Variants in SORBS2 observed in about 807,000 individuals in gnomAD.
The protein encoded by SORBS2 is sorbin and SH3 domain containing 2, also known as sorbin and SH3 domain-containing protein 2.
SORBS2 carries 46 observed loss-of-function variants against 97.7 expected under a neutral mutation model. That is an observed-to-expected ratio of 0.47 (90% CI 0.37 to 0.60). SORBS2 has a LOEUF of 0.60. SORBS2 is among the 20% of genes least tolerant of loss of function. The probability of loss-of-function intolerance (pLI) is 0.00; values close to 1 mark genes in which losing one functional copy is unlikely to be tolerated. For synonymous variants in SORBS2, 476 were observed against 473.4 expected (o/e 1.01, Z -0.07); for missense variants, 1,316 against 1,282.3 (o/e 1.03, Z -0.40).
intron 1 of SORBS2, among the ~76,000 whole-genome samples, chr4:185,797,901 T>C (rs114285596): frequency 0.018 from 2,770 of 152,326 alleles, 40 homozygotes; most frequent in South Asian, 0.065. Context: ...GCCTTCACCA[T>C]GCACACACTG....
chr4:185,727,994 C>T (rs2098573689), intron 2 of SORBS2, among the ~76,000 whole-genome samples: 1 of 152,118 alleles, frequency 6.6e-6, no homozygotes, highest in South Asian at 2.1e-4. Context: ...TATACATGGT[C>T]AATTTCTTAT....
intron 1 of SORBS2, among the ~76,000 whole-genome samples, chr4:185,897,541 T>C (rs1046920228): frequency 2.6e-5 from 4 of 152,222 alleles, no homozygotes; most frequent in Non-Finnish European, 4.4e-5. Context: ...AATTTGTACA[T>C]CTTTTCTCAA....
chr4:185,802,091 C>G (rs6813413), intron 1 of SORBS2, among the ~76,000 whole-genome samples: 66,925 of 152,144 alleles, frequency 0.44, 15,150 homozygotes, highest in East Asian at 0.67. Flanking sequence ...GATCCTCTAA[C>G]AAACTTCAAT....
intron 1 of SORBS2, among the ~76,000 whole-genome samples, chr4:185,778,603 C>G (rs910724547): frequency 6.6e-5 from 10 of 152,254 alleles, no homozygotes; most frequent in African/African-American, 2.2e-4. Context: ...TTTACAAACA[C>G]CAGTACCCCG....
chr4:185,640,075 T>C (rs1270975224), intron 4 of SORBS2, among the ~76,000 whole-genome samples: 4 of 152,206 alleles, frequency 2.6e-5, no homozygotes, highest in Non-Finnish European at 5.9e-5. Flanking sequence ...TGATGTGACT[T>C]TGTTTCAATA....
At chr4:185,868,135 C>CTCTTT (rs1026800289) in intron 1 of SORBS2, among the ~76,000 whole-genome samples, 1 of 132,344 alleles carries the variant, frequency 7.6e-6, no homozygotes, top group East Asian at 2.3e-4. Flanking sequence ...ACTTTCCTTT[C>CTCTTT]TCTTTTCTTT....
chr4:185,711,204 C>A (rs72702053), intron 2 of SORBS2, among the ~76,000 whole-genome samples: 6,110 of 151,930 alleles, frequency 0.04, 138 homozygotes, highest in Middle Eastern at 0.078. Flanking sequence ...GAACTCCTGG[C>A]CTCCCATCTC....
intron 4 of SORBS2, among the ~76,000 whole-genome samples, chr4:185,665,069 T>C (rs2097577170): frequency 6.6e-6 from 1 of 152,212 alleles, no homozygotes; most frequent in Admixed American, 6.5e-5. Flanking sequence ...TATATTGCTA[T>C]AAATGAAAGA....
intron 2 of SORBS2, among the ~76,000 whole-genome samples, chr4:185,693,315 C>T (rs910293442): frequency 2.6e-5 from 4 of 152,058 alleles, no homozygotes; most frequent in African/African-American, 9.7e-5. Flanking sequence ...AGCTTGGTAG[C>T]CTTAAGACCG....
At chr4:185,955,505 A>G (rs1176370736) in intron 1 of SORBS2, among the ~76,000 whole-genome samples, 2 of 152,218 alleles carry the variant, frequency 1.3e-5, no homozygotes, top group Non-Finnish European at 2.9e-5. Flanking sequence ...CGCTCCACAA[A>G]GCAATCTCAT....
chr4:185,944,829 C>A (rs2099273766), intron 1 of SORBS2, among the ~76,000 whole-genome samples: 2 of 152,178 alleles, frequency 1.3e-5, no homozygotes, highest in African/African-American at 4.8e-5. Context: ...GAGCTTTTCT[C>A]TGCAATCCCA....
At chr4:185,620,434 C>T (rs964551565) in intron 7 of SORBS2, among the ~76,000 whole-genome samples, 1 of 152,136 alleles carries the variant, frequency 6.6e-6, no homozygotes, top group African/African-American at 2.4e-5. Flanking sequence ...CCCAGTAAGA[C>T]AATTTATAGT....
At chr4:185,712,198 G>A (rs1264803566) in intron 2 of SORBS2, among the ~76,000 whole-genome samples, 1 of 152,032 alleles carries the variant, frequency 6.6e-6, no homozygotes, top group Non-Finnish European at 1.5e-5. Context: ...ACCCCATCCT[G>A]TGCCCATAAA....
chr4:185,771,280 C>T (rs62334856), intron 2 of SORBS2: 27,880 of 151,966 alleles, frequency 0.18, 2,732 homozygotes, highest in Middle Eastern at 0.27. Context: ...CGTGAGCCAC[C>T]ACGCCAAGCC....
intron 1 of SORBS2, among the ~76,000 whole-genome samples, chr4:185,805,508 A>G (rs932628833): frequency 1.3e-5 from 2 of 152,286 alleles, no homozygotes; most frequent in Non-Finnish European, 2.9e-5. Flanking sequence ...TTCTAAAGCG[A>G]GTCAAGTTTT....
chr4:185,815,288 A>G (rs1257611829), intron 1 of SORBS2, among the ~76,000 whole-genome samples: 1 of 152,022 alleles, frequency 6.6e-6, no homozygotes, highest in Non-Finnish European at 1.5e-5. Flanking sequence ...TGTTTTCTCT[A>G]TTGAGATTGT....
exon 6 of SORBS2, chr4:185,626,925 T>G (rs752419078): frequency 4.3e-6 from 7 of 1,614,230 alleles, no homozygotes; most frequent in Non-Finnish European, 4.2e-6. Context: ...CCTGGGCTAG[T>G]CCTGCTCGCA....
At chr4:185,738,129 T>C (rs1320795104) in intron 2 of SORBS2, among the ~76,000 whole-genome samples, 1 of 152,228 alleles carries the variant, frequency 6.6e-6, no homozygotes, top group Non-Finnish European at 1.5e-5. Context: ...CCTGTTTATG[T>C]GGAGCTTTGA....
chr4:185,855,854 G>A (rs533505323), intron 1 of SORBS2, among the ~76,000 whole-genome samples: 4 of 152,160 alleles, frequency 2.6e-5, no homozygotes, highest in African/African-American at 4.8e-5. Flanking sequence ...TGTTCTTTTA[G>A]TTACTTGAAG....
Sources: gnomAD v4.1 joint callset for allele counts (sites outside exome capture counted in the v4.1 genomes callset) on GRCh38, gnomAD v4.1.1 for gene constraint, MANE v1.5 for transcripts, NCBI Gene and HGNC (gene_info 2026-07-23, HGNC 2026-07-21) for gene names.